The following MSRB2 variants were observed in gnomAD, a reference collection of about 807,000 sequenced individuals.
MSRB2 encodes the protein methionine-R-sulfoxide reductase B2, mitochondrial.
A neutral mutation model predicts 19.0 loss-of-function variants in MSRB2; 17 were observed. That is an observed-to-expected ratio of 0.89 (90% CI 0.61 to 1.34). MSRB2 has a LOEUF of 1.34. MSRB2 is among the 40% of genes most tolerant of loss of function. The pLI is 0.00. For missense variants in MSRB2, 208 were observed against 237.6 expected, an observed-to-expected ratio of 0.88 and a Z score of 0.82; for synonymous variants, 107 against 99.7, an observed-to-expected ratio of 1.07 and a Z score of -0.44.
At chr10:23,107,118 T>G (rs1350814181) in intron 2 of MSRB2, among the ~76,000 whole-genome samples, 1 of 152,206 alleles carries the variant, frequency 6.6e-6, no homozygotes, top group Non-Finnish European at 1.5e-5. Context: ...CAGGCCTGCA[T>G]GTGTGATGGA....
chr10:23,112,698 C>T (rs1197491112), intron 3 of MSRB2, among the ~76,000 whole-genome samples: 1 of 152,178 alleles, frequency 6.6e-6, no homozygotes, highest in Non-Finnish European at 1.5e-5. Flanking sequence ...AAGCGATTCT[C>T]CTGCCTCCTG....
intron 1 of MSRB2, among the ~76,000 whole-genome samples, chr10:23,100,502 G>A (rs954250983): frequency 1.3e-5 from 2 of 152,156 alleles, no homozygotes; most frequent in Admixed American, 6.5e-5. Flanking sequence ...ATTGGCTTAC[G>A]GTTCCACAGG....
chr10:23,099,575 G>A (rs757979196), intron 1 of MSRB2, among the ~76,000 whole-genome samples: 58 of 152,284 alleles, frequency 3.8e-4, no homozygotes, highest in Admixed American at 2.0e-3. Flanking sequence ...ATATTATGGC[G>A]TGGCACTGTG....
At position 23,121,062 on chromosome 10, in the gene MSRB2, G is replaced by A; in HGVS notation, c.*200G>A. 4 of 451,986 alleles carry A rather than the reference G, an allele frequency of 8.8e-6. No individual in the cohort carries two copies. The highest frequency in any genetic ancestry group is 1.1e-4 in the South Asian group (2 of 18,390). The allele number at this position is 451,986 out of a possible 1,614,324, so 28.0% of individuals were successfully genotyped here. On this transcript the variant is annotated 3_prime_UTR_variant, in exon 5 of 5. Coordinates refer to ENST00000376510, the MANE Select transcript of MSRB2 (RefSeq NM_012228.4). ...TAGGCTGTTCTTGTGTTGCTATAAA[G>A]AAGTACCTGATCAGGATCTGGGAGA...
intron 1 of MSRB2, 113 bp downstream of exon 1, chr10:23,095,839 G>C (rs539866775): frequency 5.0e-6 from 3 of 603,280 alleles, no homozygotes; most frequent in Non-Finnish European, 7.1e-6. Flanking sequence ...CTCCTACTAA[G>C]CCCTCCTCGG....
In MSRB2 at chr10:23,121,147, T is replaced by C; in HGVS notation, c.*285T>C. Reference sequence around the variant, plus strand: ...AAAATTAAAAAGAAAAAAAAATACCTGAGACTGAGTAACTTATAAAGAAAA... The same window carrying C: ...AAAATTAAAAAGAAAAAAAAATACCCGAGACTGAGTAACTTATAAAGAAAA... On this transcript the variant is annotated 3_prime_UTR_variant, in exon 5 of 5. Coordinates refer to ENST00000376510, the MANE Select transcript of MSRB2 (RefSeq NM_012228.4). 1 of 352,830 alleles carries C rather than the reference T, an allele frequency of 2.8e-6. No individual in the cohort carries two copies. The highest frequency in any genetic ancestry group is 5.1e-6 in the Non-Finnish European group (1 of 196,064). The allele number at this position is 352,830 out of a possible 1,614,324, so 21.9% of individuals were successfully genotyped here. A position where few individuals can be genotyped will look rare whatever the true frequency, so the allele number is the denominator to read the frequency against.
At chr10:23,116,924 T>G (rs1162621086) in intron 3 of MSRB2, among the ~76,000 whole-genome samples, 2 of 152,104 alleles carry the variant, frequency 1.3e-5, no homozygotes, top group Non-Finnish European at 1.5e-5. Flanking sequence ...AGTCTTATGA[T>G]CTCTATTTAA....
chr10:23,121,731 G>A lies in MSRB2; in HGVS notation c.*869G>A, dbSNP rs1840186020. 1 of 152,242 alleles carries A rather than the reference G, an allele frequency of 6.6e-6. No individual in the cohort carries two copies. The highest frequency in any genetic ancestry group is 1.5e-5 in the Non-Finnish European group (1 of 68,074). 9.4% of individuals were successfully genotyped at this position (152,242 alleles called of 1,614,324 possible). ...TAAGTAAGGGATCAAGTGAGAAGAG[G>A]AAGGAAAATACAGGATCCAAGGAAT... On this transcript the variant is annotated 3_prime_UTR_variant, in exon 5 of 5. Coordinates refer to ENST00000376510, the MANE Select transcript of MSRB2 (RefSeq NM_012228.4).
chr10:23,107,746 C>T (rs1265261704), intron 2 of MSRB2, among the ~76,000 whole-genome samples: 3 of 152,078 alleles, frequency 2.0e-5, no homozygotes, highest in Non-Finnish European at 4.4e-5. Context: ...TTTTGCTGCC[C>T]ACCTCTGCAA....
intron 1 of MSRB2, among the ~76,000 whole-genome samples, chr10:23,100,368 G>A (rs1839914435): frequency 6.6e-6 from 1 of 152,146 alleles, no homozygotes; most frequent in African/African-American, 2.4e-5. Flanking sequence ...AGGTGGCCAA[G>A]AAGAGACAGG....
intron 3 of MSRB2, among the ~76,000 whole-genome samples, chr10:23,118,047 T>C (rs1840132265): frequency 6.6e-6 from 1 of 152,292 alleles, no homozygotes; most frequent in South Asian, 2.1e-4. Flanking sequence ...TAAGGGGCAC[T>C]CAACCTATAT....
At chr10:23,104,312 C>A in intron 2 of MSRB2, 68 bp downstream of exon 2, 3 of 1,338,806 alleles carry the variant, frequency 2.2e-6, no homozygotes, top group Non-Finnish European at 3.1e-6. Context: ...TGGAATAGGT[C>A]CAGCTATGAA....
Position 23,106,251 on chromosome 10 carries a change from C to A in MSRB2, c.219+2007C>A, listed in dbSNP as rs370036632. 7.2e-5 allele frequency among the ~76,000 whole-genome samples: 11 copies of A among 152,278 alleles called. No individual in the cohort carries two copies. In the South Asian group the frequency reaches 1.7e-3, roughly 23 times the overall value. ...TTTTAGAGTATTGCAGAAATGTAAG[C>A]CTTCATTAGCTTTGTTCACCTAAGA... On this transcript the variant is annotated intron_variant, in intron 2 of 4. Transcript: ENST00000376510.
intron 4 of MSRB2, 61 bp from the exon 5 acceptor site, chr10:23,120,697 T>C: frequency 1.4e-6 from 2 of 1,384,316 alleles, no homozygotes; most frequent in Non-Finnish European, 2.0e-6. Context: ...TTCGTCTGTC[T>C]GGTTTTACAT....
chr10:23,117,838 G>A (rs1032645413), intron 3 of MSRB2, among the ~76,000 whole-genome samples: 9 of 152,128 alleles, frequency 5.9e-5, no homozygotes, highest in South Asian at 2.1e-4. Flanking sequence ...TGATCCACCC[G>A]CTTCCACCTC....
chr10:23,098,667 G>A (rs1039921328), intron 1 of MSRB2, among the ~76,000 whole-genome samples: 1 of 152,152 alleles, frequency 6.6e-6, no homozygotes, highest in South Asian at 2.1e-4. Flanking sequence ...CTCTAGCCAC[G>A]GTAGCCAGAA....
At chr10:23,106,386 C>T (rs559713245) in intron 2 of MSRB2, among the ~76,000 whole-genome samples, 4 of 152,264 alleles carry the variant, frequency 2.6e-5, no homozygotes, top group Admixed American at 6.5e-5. Context: ...GCTAGACCAA[C>T]GAATAAATTT....
chr10:23,095,709 CGGGACT>C lies in MSRB2; in HGVS notation c.105_110del (p.Leu36_Gly37del). Reference sequence around the variant, plus strand: ...GGCGGCGGCGGGCCCGGCACCGGGCCGGGACTGGGGGAGGCAGGTAGGACGCGGGTC... The same window carrying C: ...GGCGGCGGCGGGCCCGGCACCGGGCCGGGGGAGGCAGGTAGGACGCGGGTC... On this transcript the variant is annotated inframe_deletion, in exon 1 of 5. Coordinates refer to ENST00000376510, the MANE Select transcript of MSRB2 (RefSeq NM_012228.4). 1 of 1,292,434 alleles carries C rather than the reference CGGGACT, an allele frequency of 7.7e-7. No homozygotes were observed. The highest frequency in any genetic ancestry group is 9.7e-7 in the Non-Finnish European group (1 of 1,026,636). The allele number at this position is 1,292,434 out of a possible 1,614,324, so 80.1% of individuals were successfully genotyped here.
chr10:23,114,529 A>C (rs1056081556), intron 3 of MSRB2, among the ~76,000 whole-genome samples: 1 of 152,184 alleles, frequency 6.6e-6, no homozygotes, highest in African/African-American at 2.4e-5. Flanking sequence ...ACTGAGGCTT[A>C]AAGAATTTAA....
Sources: gnomAD v4.1 joint callset for allele counts (sites outside exome capture counted in the v4.1 genomes callset) on GRCh38, gnomAD v4.1.1 for gene constraint, MANE v1.5 for transcripts, NCBI Gene and HGNC (gene_info 2026-07-23, HGNC 2026-07-21) for gene names.